The following PDLIM7 variants were observed in gnomAD, a reference collection of about 807,000 sequenced individuals.
The protein encoded by PDLIM7 is PDZ and LIM domain 7, also known as PDZ and LIM domain protein 7.
A neutral mutation model predicts 53.9 loss-of-function variants in PDLIM7; 37 were observed. The observed-to-expected ratio is 0.69, with a 90% confidence interval of 0.53 to 0.90. The LOEUF is 0.90. PDLIM7 is among the 40% of genes least tolerant of loss of function. The pLI, the probability that PDLIM7 is intolerant of heterozygous loss-of-function variation, is 0.00. For synonymous variants in PDLIM7, 300 were observed against 261.3 expected (o/e 1.15, Z -1.43); for missense variants, 617 against 638.5 (o/e 0.97, Z 0.36).
At chr5:177,495,429 C>T (rs1759021697) in intron 2 of PDLIM7, among the ~76,000 whole-genome samples, 1 of 152,196 alleles carries the variant, frequency 6.6e-6, no homozygotes, top group African/African-American at 2.4e-5. Flanking sequence ...TCTCTTGGGG[C>T]AGGCGGATAT....
chr5:177,489,322 C>G, intron 9 of PDLIM7, 71 bp downstream of exon 9: 5 of 1,191,718 alleles, frequency 4.2e-6, no homozygotes, highest in Non-Finnish European at 5.9e-6. Flanking sequence ...TGAGGCAAGA[C>G]AGGTGGGCAG....
intron 10 of PDLIM7, among the ~76,000 whole-genome samples, chr5:177,487,492 C>T (rs1206463061): frequency 6.6e-6 from 1 of 152,260 alleles, no homozygotes; most frequent in Non-Finnish European, 1.5e-5. Flanking sequence ...TGTCATCTTG[C>T]ACCATGAGTG....
intron 9 of PDLIM7, among the ~76,000 whole-genome samples, chr5:177,488,535 C>T (rs1423126162): frequency 6.6e-6 from 1 of 152,192 alleles, no homozygotes; most frequent in Non-Finnish European, 1.5e-5. Flanking sequence ...GCTGAGCCGC[C>T]CCTGGGCAAA....
At chr5:177,490,712 G>GGGAAGGAAGGAAGGAAGGAAGGAA (rs573434723) in intron 7 of PDLIM7, 158 bp downstream of exon 7, 1 of 620,948 alleles carries the variant, frequency 1.6e-6, no homozygotes, top group African/African-American at 2.6e-5. Context: ...GAAGGAGGAA[G>GGGAAGGAAGGAAGGAAGGAAGGAA]GGAAGGAAGG....
intron 7 of PDLIM7, chr5:177,490,137 C>G: frequency 1.3e-6 from 2 of 1,490,274 alleles, no homozygotes; most frequent in South Asian, 2.5e-5. Flanking sequence ...CCAGGTACCC[C>G]CTCCCACTGA....
Position 177,485,769 on chromosome 5 carries a change from G to A in PDLIM7, c.1051-1579C>T, listed in dbSNP as rs189221004. Among the ~76,000 whole-genome samples, 16 of 152,242 alleles carry A rather than the reference G, an allele frequency of 1.1e-4. No homozygotes were observed. The East Asian group carries it at 2.3e-3, about 22-fold the overall frequency. On this transcript the variant is annotated intron_variant, in intron 10 of 12. Transcript: ENST00000355841. ...GGAGGCCAAGGTGGGAGGATCGCTCGAGGCCAGGAGTTCGAGACCAGCCTG... is the reference window on the plus strand; with the variant it reads ...GGAGGCCAAGGTGGGAGGATCGCTCAAGGCCAGGAGTTCGAGACCAGCCTG...
chr5:177,483,764 G>A (rs1420479449), intron 12 of PDLIM7, 34 bp from the exon 13 acceptor site: 3 of 1,585,360 alleles, frequency 1.9e-6, no homozygotes, highest in East Asian at 4.5e-5. Context: ...ACATGGGGTT[G>A]GGGGCAGCAG....
At position 177,491,891 on chromosome 5, in the gene PDLIM7, G is replaced by T; in HGVS notation, c.314C>A (p.Thr105Asn). ...GTTGAGGGAGACGCTGGGTGCAAAG[G>T]TGTACCGCGGAGGGTCCGCGGCGGG... ...SAPAADPPRY[T>N]FAPSVSLNKT... The change falls in exon 5 of 13, where the codon ACC (threonine) becomes AAC (asparagine). Residue 105 changes from threonine to asparagine, a missense_variant. By Grantham distance (65) the Thr-to-Asn change is moderately conservative. Coordinates refer to ENST00000355841, the MANE Select transcript of PDLIM7 (RefSeq NM_005451.5). The T allele has an allele frequency of 7.8e-7, 1 of 1,283,196 alleles. No homozygotes were observed. Among genetic ancestry groups the T allele is most frequent in the Non-Finnish European group, 9.9e-7 (1 of 1,010,994 alleles). 79.5% of individuals were successfully genotyped at this position (1,283,196 alleles called of 1,614,324 possible).
chr5:177,495,308 C>CA (rs1261193430), intron 2 of PDLIM7, among the ~76,000 whole-genome samples: 5 of 152,152 alleles, frequency 3.3e-5, no homozygotes, highest in Admixed American at 1.3e-4. Flanking sequence ...CTCCTACAGA[C>CA]AGACTCCAGC....
Position 177,492,523 on chromosome 5 carries a change from T to C in PDLIM7, c.248+3A>G, listed in dbSNP as rs755950306. 11 of 1,613,614 alleles carry C rather than the reference T, an allele frequency of 6.8e-6. No individual in the cohort carries two copies. The highest frequency in any genetic ancestry group is 3.3e-4 in the Middle Eastern group (2 of 6,082). On this transcript the variant is annotated splice_donor_region_variant and intron_variant, in intron 3 of 12. Transcript: ENST00000355841. ...GCGCACCCATCCATGTCCACCCGCA[T>C]ACCTGCTGAGGCCCAGGCTGAGGCG...
Position 177,496,538 on chromosome 5 carries a change from G to A in PDLIM7, c.-11-15C>T, listed in dbSNP as rs754687250. On this transcript the variant is annotated splice_polypyrimidine_tract_variant and intron_variant, in intron 1 of 12. Coordinates refer to ENST00000355841, the MANE Select transcript of PDLIM7 (RefSeq NM_005451.5). ...GATGCCGGCTCCTGAGAGGAGAGAAGAGAAGGTGAGTGGCCAGCATGGTGG... is the reference window on the plus strand; with the variant it reads ...GATGCCGGCTCCTGAGAGGAGAGAAAAGAAGGTGAGTGGCCAGCATGGTGG... 1 of 1,546,154 alleles carries A rather than the reference G, an allele frequency of 6.5e-7. No individual in the cohort carries two copies. Among genetic ancestry groups the A allele is most frequent in the Admixed American group, 1.9e-5 (1 of 52,780 alleles).
At chr5:177,487,315 C>T (rs529171478) in intron 10 of PDLIM7, among the ~76,000 whole-genome samples, 1 of 152,358 alleles carries the variant, frequency 6.6e-6, no homozygotes, top group Admixed American at 6.5e-5. Flanking sequence ...TTCCCAGCCT[C>T]CGTTGCCACT....
At chr5:177,488,281 C>T (rs2127411430) in intron 9 of PDLIM7, 33 bp from the exon 10 acceptor site, 2 of 1,552,168 alleles carry the variant, frequency 1.3e-6, no homozygotes, top group South Asian at 1.2e-5. Flanking sequence ...AGAGGGAGCA[C>T]ACGCAGAGAG....
Position 177,489,809 on chromosome 5 carries a change from G to A in PDLIM7, c.596C>T (p.Pro199Leu), listed in dbSNP as rs1758654197. The A allele has an allele frequency of 3.8e-6, 6 of 1,578,466 alleles. No homozygotes were observed. The highest frequency in any genetic ancestry group is 1.4e-5 in the African/African-American group (1 of 73,962). ...KSSQVPRTEA[P>L]APASSTPQEP... ...CTGGGGTGTAGATGAGGCTGGGGCT[G>A]GGGCTTCTGTCCTGGGCACCTGGCT... Residue 199 changes from proline to leucine, a missense_variant, in exon 8 of 13, where the codon CCA (proline) becomes CTA (leucine). Pro to Leu is a moderately conservative substitution (Grantham distance 98). Coordinates refer to ENST00000355841, the MANE Select transcript of PDLIM7 (RefSeq NM_005451.5).
At chr5:177,486,590 G>A (rs575669216) in intron 10 of PDLIM7, among the ~76,000 whole-genome samples, 1 of 151,310 alleles carries the variant, frequency 6.6e-6, no homozygotes, top group Non-Finnish European at 1.5e-5. Flanking sequence ...GCTCTACCAG[G>A]GGTGTGGGCT....
At chr5:177,490,730 GAA>G in intron 7 of PDLIM7, 138 bp downstream of exon 7, 2 of 748,870 alleles carry the variant, frequency 2.7e-6, no homozygotes, top group Non-Finnish European at 4.7e-6. Flanking sequence ...AGGAAGGAAG[GAA>G]GGAAGGAAGG....
chr5:177,491,762 A>G (rs1758799821), intron 5 of PDLIM7, 45 bp downstream of exon 5: 3 of 937,234 alleles, frequency 3.2e-6, no homozygotes, highest in Admixed American at 4.2e-5. Context: ...GTGGGGCCAC[A>G]GTGGGCCTGA....
chr5:177,496,339 G>C (rs1171202660), intron 2 of PDLIM7, 78 bp downstream of exon 2: 1 of 1,113,886 alleles, frequency 9.0e-7, no homozygotes, highest in African/African-American at 1.6e-5. Flanking sequence ...GCTCCTGTTA[G>C]GACTCCCCCC....
Position 177,489,627 on chromosome 5 carries a change from C to A in PDLIM7, c.635G>T (p.Gly212Val). Reference protein sequence around the residue: ...ASSTPQEPWPGPTAPSPTSRP... With the variant: ...ASSTPQEPWPVPTAPSPTSRP... ...GCTGGTAGGGCTGGGGGCGGTAGGGCCTGCCGGGGAAAGTGACTCTAAAGG... is the reference window on the plus strand; with the variant it reads ...GCTGGTAGGGCTGGGGGCGGTAGGGACTGCCGGGGAAAGTGACTCTAAAGG... The change falls in exon 9 of 13, where the codon GGC (glycine) becomes GTC (valine). Residue 212 changes from glycine (G) to valine (V), a missense_variant and splice_region_variant. Transcript: ENST00000355841. The A allele has an allele frequency of 1.3e-6, 2 of 1,586,376 alleles. No homozygotes were observed. The highest frequency in any genetic ancestry group is 8.6e-7 in the Non-Finnish European group (1 of 1,168,678).
Sources: gnomAD v4.1 joint callset for allele counts (sites outside exome capture counted in the v4.1 genomes callset) on GRCh38, gnomAD v4.1.1 for gene constraint, MANE v1.5 for transcripts, NCBI Gene and HGNC (gene_info 2026-07-23, HGNC 2026-07-21) for gene names.